DENND1B: variants seen among roughly 807,000 people sequenced by gnomAD.
DENND1B encodes the protein DENN domain containing 1B, also known as DENN domain-containing protein 1B.
A neutral mutation model predicts 90.1 loss-of-function variants in DENND1B; 59 were observed. That is an observed-to-expected ratio of 0.65 (90% CI 0.53 to 0.81). The LOEUF is 0.81. Ranked by LOEUF, DENND1B falls within the 40% of genes least tolerant of loss-of-function variation. DENND1B has a pLI of 0.00. For synonymous variants in DENND1B, 337 were observed against 324.6 expected (o/e 1.04, Z -0.41); for missense variants, 862 against 912.6 (o/e 0.94, Z 0.71).
intron 3 of DENND1B, chr1:197,690,194 C>A: frequency 6.7e-6 from 2 of 296,832 alleles, no homozygotes; most frequent in South Asian, 9.1e-5. Context: ...GCTTCGATGT[C>A]AAGAATGTGT....
intron 10 of DENND1B, among the ~76,000 whole-genome samples, chr1:197,631,838 T>TGTA (rs1486158764): frequency 6.6e-6 from 1 of 152,112 alleles, no homozygotes; most frequent in African/African-American, 2.4e-5. Context: ...TGTATATGTG[T>TGTA]GTATATGCAT....
At position 197,673,970 on chromosome 1, in the gene DENND1B, A is replaced by G. The variant is rs79222383; in HGVS notation, c.176+150T>C. On this transcript the variant is annotated intron_variant, in intron 4 of 22. Transcript: ENST00000620048. ...AAAAGGCTTCCTCTTCCACATATTA[A>G]TTAATTTTCAACCTCTTTTCAATCT... 1.1e-3 allele frequency: 685 copies of G among 605,718 alleles called. 3 individuals are homozygous for G. The highest frequency in any genetic ancestry group is 0.01 in the East Asian group (331 of 32,012). 37.5% of individuals were successfully genotyped at this position (605,718 alleles called of 1,614,324 possible). A position where few individuals can be genotyped will look rare whatever the true frequency, so the allele number is the denominator to read the frequency against.
At chr1:197,540,854 G>T in intron 19 of DENND1B, 105 bp downstream of exon 19, 1 of 1,028,568 alleles carries the variant, frequency 9.7e-7, no homozygotes, top group Non-Finnish European at 1.5e-6. Flanking sequence ...AAAGGGCTAA[G>T]CATATTTCAA....
chr1:197,633,199 A>C (rs1679487216), intron 10 of DENND1B, among the ~76,000 whole-genome samples: 1 of 152,230 alleles, frequency 6.6e-6, no homozygotes, highest in Admixed American at 6.5e-5. Flanking sequence ...GAATGTCTAC[A>C]TTTGTAAAAA....
At chr1:197,752,543 T>C (rs1653691847) in intron 2 of DENND1B, among the ~76,000 whole-genome samples, 1 of 152,084 alleles carries the variant, frequency 6.6e-6, no homozygotes, top group African/African-American at 2.4e-5. Context: ...AGCAATTTTA[T>C]CAGAAATATA....
intron 3 of DENND1B, among the ~76,000 whole-genome samples, chr1:197,677,513 C>T (rs184448017): frequency 6.6e-6 from 1 of 152,266 alleles, no homozygotes; most frequent in East Asian, 1.9e-4. Flanking sequence ...CTGACCCCCA[C>T]ATATAATTAA....
At chr1:197,770,702 A>C (rs1656385381) in intron 2 of DENND1B, among the ~76,000 whole-genome samples, 1 of 142,892 alleles carries the variant, frequency 7.0e-6, no homozygotes. Context: ...ATATATATCT[A>C]TAAATATATA....
At chr1:197,611,466 T>C (rs1481600954) in intron 12 of DENND1B, among the ~76,000 whole-genome samples, 1 of 150,852 alleles carries the variant, frequency 6.6e-6, no homozygotes, top group Admixed American at 6.6e-5. Context: ...GGCTATATTC[T>C]AAAGTTCATG....
chr1:197,562,776 G>A (rs1487857531), intron 15 of DENND1B, among the ~76,000 whole-genome samples: 1 of 151,972 alleles, frequency 6.6e-6, no homozygotes, highest in African/African-American at 2.4e-5. Context: ...CTGAAAGCCA[G>A]GCCTCTTGCA....
chr1:197,653,149 C>T (rs1045705422), intron 6 of DENND1B, among the ~76,000 whole-genome samples: 2 of 151,816 alleles, frequency 1.3e-5, no homozygotes, highest in Non-Finnish European at 2.9e-5. Flanking sequence ...TCTGTAACTA[C>T]TTTCAAAAGT....
chr1:197,723,582 A>G (rs1661377649), intron 2 of DENND1B, among the ~76,000 whole-genome samples: 2 of 152,180 alleles, frequency 1.3e-5, no homozygotes, highest in Non-Finnish European at 2.9e-5. Context: ...AGCCAACACA[A>G]ACGTTTTTAT....
intron 3 of DENND1B, among the ~76,000 whole-genome samples, chr1:197,677,358 T>C (rs978132894): frequency 6.6e-6 from 1 of 152,190 alleles, no homozygotes; most frequent in Non-Finnish European, 1.5e-5. Context: ...TATGACTTTC[T>C]AAATGTTCCC....
intron 3 of DENND1B, among the ~76,000 whole-genome samples, chr1:197,698,449 C>CA (rs1208834057): frequency 6.6e-6 from 1 of 151,996 alleles, no homozygotes; most frequent in South Asian, 2.1e-4. Context: ...TAAATGGCCA[C>CA]ATCAGAAAGC....
At chr1:197,563,560 G>C (rs1272200659) in intron 15 of DENND1B, among the ~76,000 whole-genome samples, 1 of 151,908 alleles carries the variant, frequency 6.6e-6, no homozygotes, top group Non-Finnish European at 1.5e-5. Context: ...ACTGCTTACT[G>C]ACAATGCACC....
rs375718950 is a variant in DENND1B, at chr1:197,512,880, C to T, written c.1589G>A (p.Arg530Lys). 13 of 1,610,314 alleles carry T rather than the reference C, an allele frequency of 8.1e-6. No homozygotes were observed. The highest frequency in any genetic ancestry group is 1.1e-5 in the Non-Finnish European group (13 of 1,177,880). The change falls in exon 21 of 23, where the codon AGA (arginine) becomes AAA (lysine). Residue 530 changes from arginine (R) to lysine (K), a missense_variant. Transcript: ENST00000620048. ...AAAATCCATTACTTACTTGCTTGCT[C>T]TTTCAATGTCATCATCATCTTCATC... ...YDDEDDDDIE[R>K]ASKLSSEDGE... is the part of the protein sequence containing the mutation.
chr1:197,574,648 A>G (rs1422301985), intron 15 of DENND1B, among the ~76,000 whole-genome samples: 5 of 152,214 alleles, frequency 3.3e-5, no homozygotes, highest in African/African-American at 1.2e-4. Flanking sequence ...ATCCTAAGCA[A>G]AAAGAACAAA....
chr1:197,729,097 T>C (rs1006085068), intron 2 of DENND1B, among the ~76,000 whole-genome samples: 1 of 152,154 alleles, frequency 6.6e-6, no homozygotes, highest in Non-Finnish European at 1.5e-5. Flanking sequence ...ACATTATTCC[T>C]GATCTATGCT....
chr1:197,583,074 CATAGTTTTATAGTAATACAA>C, intron 15 of DENND1B, 58 bp downstream of exon 15: 14 of 1,343,846 alleles, frequency 1.0e-5, no homozygotes, highest in Middle Eastern at 1.8e-4. Context: ...AGGGTTTGTA[CATAGTTTTATAGTAATACAA>C]ATGTGTAAAA....
At chr1:197,542,860 A>C (rs1304597910) in intron 18 of DENND1B, among the ~76,000 whole-genome samples, 1 of 152,150 alleles carries the variant, frequency 6.6e-6, no homozygotes, top group African/African-American at 2.4e-5. Flanking sequence ...GTATATTCTA[A>C]AGATCTTAAT....
Sources: gnomAD v4.1 joint callset for allele counts (sites outside exome capture counted in the v4.1 genomes callset) on GRCh38, gnomAD v4.1.1 for gene constraint, MANE v1.5 for transcripts, NCBI Gene and HGNC (gene_info 2026-07-23, HGNC 2026-07-21) for gene names.